The following TAB1 variants were observed in gnomAD, a reference collection of about 807,000 sequenced individuals.
TAB1 encodes the protein TGF-beta activated kinase 1 (MAP3K7) binding protein 1, also known as TGF-beta-activated kinase 1 and MAP3K7-binding protein 1.
Under a neutral mutation model 54.5 loss-of-function variants are expected in TAB1, and 30 were observed. The ratio of observed to expected loss-of-function variants is 0.55; its 90% confidence interval spans 0.41 to 0.75. TAB1 has a LOEUF of 0.75. TAB1 is among the 30% of genes least tolerant of loss of function. TAB1 has a pLI of 0.00. For missense variants in TAB1, 609 were observed against 683.2 expected, an observed-to-expected ratio of 0.89 and a Z score of 1.21; for synonymous variants, 289 against 286.9, an observed-to-expected ratio of 1.01 and a Z score of -0.07.
chr22:39,412,892 C>CTT (rs34847488), intron 1 of TAB1, among the ~76,000 whole-genome samples: 1,578 of 90,234 alleles, frequency 0.017, 51 homozygotes, highest in East Asian at 0.074. Context: ...TATCCTGCAA[C>CTT]TTTTTTTTTT....
At chr22:39,419,755 C>G (rs1601693729) in intron 7 of TAB1, 125 bp downstream of exon 7, 2 of 552,650 alleles carry the variant, frequency 3.6e-6, no homozygotes, top group East Asian at 6.5e-5. Flanking sequence ...CCACTGCACT[C>G]CAGCCTGGGC....
intron 1 of TAB1, among the ~76,000 whole-genome samples, chr22:39,411,914 A>G (rs1926623148): frequency 6.6e-6 from 1 of 152,256 alleles, no homozygotes; most frequent in Admixed American, 6.5e-5. Flanking sequence ...GAGACTGTTG[A>G]TGCACACAGG....
In TAB1 at chr22:39,399,799, C is replaced by A; in HGVS notation, c.-4C>A. 6.3e-7 allele frequency: 1 copy of A among 1,593,212 alleles called. No homozygotes were observed. Reference sequence around the variant, plus strand: ...GCGGGCGCTCCCGCAGGGGTTCCTCCAAGATGGCGGCGCAGAGGAGGAGCT... The same window carrying A: ...GCGGGCGCTCCCGCAGGGGTTCCTCAAAGATGGCGGCGCAGAGGAGGAGCT... On this transcript the variant is annotated 5_prime_UTR_variant, in exon 1 of 11. Transcript: ENST00000216160.
chr22:39,436,444 T>C (rs759226758), downstream of TAB1: 2 of 1,510,360 alleles, frequency 1.3e-6, no homozygotes, highest in Non-Finnish European at 1.8e-6. Context: ...AGATTTAAAC[T>C]CTGGACTTTT....
intron 9 of TAB1, 107 bp from the exon 10 acceptor site, chr22:39,427,914 C>T (rs764713572): frequency 1.7e-5 from 20 of 1,169,458 alleles, no homozygotes; most frequent in Non-Finnish European, 2.4e-5. Context: ...GCCACCCACA[C>T]TCAGCCCTCA....
At chr22:39,410,912 A>G (rs1189406325) in intron 1 of TAB1, among the ~76,000 whole-genome samples, 2 of 152,264 alleles carry the variant, frequency 1.3e-5, no homozygotes, top group Non-Finnish European at 1.5e-5. Context: ...AAAAAGAGCA[A>G]GAAGATAAGG....
chr22:39,431,237 C>T lies in TAB1; in HGVS notation c.*1015C>T. ...GCATAGGAGAAGGGTCGGGCCAGCC[C>T]AGCCCAGGGCCTGAGTTAGACTATT... On this transcript the variant is annotated 3_prime_UTR_variant, in exon 11 of 11. Transcript: ENST00000216160. 3 of 985,592 alleles carry T rather than the reference C, an allele frequency of 3.0e-6. No individual in the cohort carries two copies. Among genetic ancestry groups the T allele is most frequent in the South Asian group, 4.7e-5 (1 of 21,292 alleles). 61.1% of individuals were successfully genotyped at this position (985,592 alleles called of 1,614,324 possible).
chr22:39,405,231 C>A, intron 1 of TAB1, among the ~76,000 whole-genome samples: 1 of 152,188 alleles, frequency 6.6e-6, no homozygotes, highest in Non-Finnish European at 1.5e-5. Context: ...GGAGTGAATG[C>A]TTACATCATG....
chr22:39,423,988 A>C (rs1927209308), intron 8 of TAB1, among the ~76,000 whole-genome samples: 1 of 152,146 alleles, frequency 6.6e-6, no homozygotes, highest in African/African-American at 2.4e-5. Flanking sequence ...ATAGTGTTTT[A>C]TCCCTAGCAC....
chr22:39,436,636 G>T (rs1381503209), downstream of TAB1: 4 of 1,315,736 alleles, frequency 3.0e-6, no homozygotes, highest in Non-Finnish European at 3.3e-6. Context: ...TTGTCGCCTG[G>T]TCTGACTTGT....
chr22:39,399,940 C>T (rs1926055534), intron 1 of TAB1, 105 bp downstream of exon 1: 1 of 1,256,288 alleles, frequency 8.0e-7, no homozygotes, highest in Non-Finnish European at 1.1e-6. Context: ...CCACCCTCTC[C>T]GTGGTGGGGT....
Position 39,415,718 on chromosome 22 carries a change from TGCACCTCTA to T in TAB1, c.324+69_324+77del. The T allele has an allele frequency of 6.4e-7, 1 of 1,556,996 alleles. No homozygotes were observed. Among genetic ancestry groups the T allele is most frequent in the Non-Finnish European group, 8.7e-7 (1 of 1,152,092 alleles). ...GTCCCCCACCCCAAGGCTTGGGCCC[TGCACCTCTA>T]GCATGTTGCCAGGGTTGGTGTGAAG... is the stretch of plus-strand genomic sequence containing the variant. On this transcript the variant is annotated intron_variant, in intron 3 of 10. Transcript: ENST00000216160. The surrounding 1 kb of genome is among the most constrained non-coding windows in gnomAD (Gnocchi z 4.9).
In TAB1 at chr22:39,415,485, C is replaced by T. The variant is rs760584986; in HGVS notation, c.171-15C>T. 11 of 1,610,924 alleles carry T rather than the reference C, an allele frequency of 6.8e-6. No individual in the cohort carries two copies. The highest frequency in any genetic ancestry group is 8.5e-6 in the Non-Finnish European group (10 of 1,177,298). On this transcript the variant is annotated splice_polypyrimidine_tract_variant and intron_variant, in intron 2 of 10. Transcript: ENST00000216160. This position sits in a 1 kb window ranked among gnomAD's most constrained non-coding sequence, Gnocchi z 4.9. Reference sequence around the variant, plus strand: ...CCCTGGTCTCAGGCCTCCCTCTGCCCTCTCCCTCTTCCAGGAGTGAGAACA... The same window carrying T: ...CCCTGGTCTCAGGCCTCCCTCTGCCTTCTCCCTCTTCCAGGAGTGAGAACA...
intron 1 of TAB1, among the ~76,000 whole-genome samples, chr22:39,400,667 G>T (rs1243472576): frequency 6.6e-6 from 1 of 152,184 alleles, no homozygotes; most frequent in Non-Finnish European, 1.5e-5. Context: ...ACCAGGGTAG[G>T]GTGCTGGCCT....
At chr22:39,426,580 C>T in intron 8 of TAB1, 123 bp from the exon 9 acceptor site, 1 of 826,304 alleles carries the variant, frequency 1.2e-6, no homozygotes, top group African/African-American at 1.7e-5. Flanking sequence ...GGCTGGCAGG[C>T]ATTTCCTTCA....
chr22:39,424,442 T>C (rs1032100110), intron 8 of TAB1, among the ~76,000 whole-genome samples: 4 of 140,584 alleles, frequency 2.8e-5, no homozygotes, highest in Non-Finnish European at 4.7e-5. Context: ...TGATTTCTTT[T>C]TTTTTTTTTT....
chr22:39,408,454 G>T (rs925781367), intron 1 of TAB1, among the ~76,000 whole-genome samples: 1 of 152,168 alleles, frequency 6.6e-6, no homozygotes, highest in Non-Finnish European at 1.5e-5. Flanking sequence ...GTTTGAGCTT[G>T]TTTCTTTCTT....
chr22:39,433,696 G>A (rs1161834823), downstream of TAB1: 1 of 985,420 alleles, frequency 1.0e-6, no homozygotes, highest in African/African-American at 1.7e-5. Flanking sequence ...TCCCCACGAT[G>A]CCCGTGTCGG....
In TAB1 at chr22:39,415,084, T is replaced by G; in HGVS notation, c.112T>G (p.Ser38Ala). The change falls in exon 2 of 11, where the codon TCT becomes GCT. Residue 38 changes from serine to alanine, a missense_variant. Coordinates refer to ENST00000216160, the MANE Select transcript of TAB1 (RefSeq NM_006116.3). This position sits in a 1 kb window ranked among gnomAD's most constrained non-coding sequence, Gnocchi z 4.9. Reference protein sequence around the residue: ...GVGSASNRSYSADGKGTESHP... With the variant: ...GVGSASNRSYAADGKGTESHP... The stretch of plus-strand genomic sequence containing the variant: ...TGGCTCAGCCTCCAACCGCAGCTAC[T>G]CTGCTGATGGCAAGGGCACTGAGAG... 1 of 1,613,266 alleles carries G rather than the reference T, an allele frequency of 6.2e-7. No homozygotes were observed. The highest frequency in any genetic ancestry group is 8.5e-7 in the Non-Finnish European group (1 of 1,179,376).
Sources: allele counts gnomAD v4.1 joint callset (sites outside exome capture counted in the v4.1 genomes callset), GRCh38; gene constraint gnomAD v4.1.1; non-coding constraint Gnocchi (gnomAD v3.1); transcripts MANE v1.5; gene names NCBI Gene and HGNC (gene_info 2026-07-23, HGNC 2026-07-21).